The following SGCZ variants were observed in gnomAD, a reference collection of about 807,000 sequenced individuals.
SGCZ encodes zeta-sarcoglycan.
A neutral mutation model predicts 41.3 loss-of-function variants in SGCZ; 40 were observed. That is an observed-to-expected ratio of 0.97 (90% CI 0.75 to 1.26). The LOEUF is 1.26. SGCZ is among the 50% of genes most tolerant of loss of function. The pLI is 0.00. For synonymous variants in SGCZ, 206 were observed against 137.5 expected (o/e 1.50, Z -3.49); for missense variants, 552 against 369.8 (o/e 1.49, Z -4.04).
At chr8:14,564,299 C>T (rs1258912552) in intron 1 of SGCZ, among the ~76,000 whole-genome samples, 1 of 127,846 alleles carries the variant, frequency 7.8e-6, no homozygotes, top group Admixed American at 8.8e-5. Context: ...GTTGCTGTCA[C>T]TGTTCATTAG....
chr8:14,106,988 G>A (rs1585139857), intron 6 of SGCZ, among the ~76,000 whole-genome samples: 1 of 152,108 alleles, frequency 6.6e-6, no homozygotes, highest in African/African-American at 2.4e-5. Context: ...AGGCCGAGGA[G>A]GGCGGATCAG....
At chr8:14,818,470 G>A (rs1801972444) in intron 1 of SGCZ, among the ~76,000 whole-genome samples, 1 of 151,948 alleles carries the variant, frequency 6.6e-6, no homozygotes, top group African/African-American at 2.4e-5. Context: ...CCATCCATAG[G>A]AAAAATTCTT....
chr8:14,548,874 G>A (rs1367710538), intron 2 of SGCZ, among the ~76,000 whole-genome samples: 1 of 152,090 alleles, frequency 6.6e-6, no homozygotes, highest in African/African-American at 2.4e-5. Flanking sequence ...TAAATGAAGA[G>A]GTATTTGGCG....
At chr8:14,272,664 T>A (rs1260385630) in intron 3 of SGCZ, among the ~76,000 whole-genome samples, 1 of 152,166 alleles carries the variant, frequency 6.6e-6, no homozygotes, top group Non-Finnish European at 1.5e-5. Context: ...ATAAATTATG[T>A]TCATCATAAT....
At position 14,366,803 on chromosome 8, in the gene SGCZ, T is replaced by C. The variant is rs181811894; in HGVS notation, c.235-42599A>G. Among the ~76,000 whole-genome samples the C allele has an allele frequency of 1.3e-5, 2 of 152,206 alleles. 1 individual carries two copies. Among genetic ancestry groups the C allele is most frequent in the Admixed American group, 1.3e-4 (2 of 15,264 alleles). On this transcript the variant is annotated intron_variant, in intron 2 of 7. Coordinates refer to ENST00000382080, the MANE Select transcript of SGCZ (RefSeq NM_139167.4). ...ATCAGCCTGTAATATCAAAGGCAAG[T>C]TAATTACTTCTTAGATACAATGAGG...
At chr8:14,765,362 A>T (rs1365890344) in intron 1 of SGCZ, among the ~76,000 whole-genome samples, 1 of 152,236 alleles carries the variant, frequency 6.6e-6, no homozygotes, top group Non-Finnish European at 1.5e-5. Context: ...GGGTCAGCTT[A>T]AGTTATATAA....
chr8:14,920,706 C>A (rs985513084), intron 1 of SGCZ, among the ~76,000 whole-genome samples: 2 of 151,994 alleles, frequency 1.3e-5, no homozygotes, highest in African/African-American at 4.8e-5. Flanking sequence ...ATAGACTTTC[C>A]CTAAAACTGT....
chr8:14,803,560 C>G (rs1041177568), intron 1 of SGCZ, among the ~76,000 whole-genome samples: 27 of 152,300 alleles, frequency 1.8e-4, no homozygotes, highest in African/African-American at 5.5e-4. Context: ...ATATCCCGCA[C>G]CCGGCTCAGA....
chr8:14,655,432 G>C (rs1807535569), intron 1 of SGCZ, among the ~76,000 whole-genome samples: 1 of 151,930 alleles, frequency 6.6e-6, no homozygotes, highest in Non-Finnish European at 1.5e-5. Flanking sequence ...TAACTTGAGG[G>C]ACAAATAACC....
chr8:14,535,483 T>C (rs1039571474), intron 2 of SGCZ, among the ~76,000 whole-genome samples: 1 of 151,954 alleles, frequency 6.6e-6, no homozygotes, highest in Non-Finnish European at 1.5e-5. Flanking sequence ...ATCTTTATTA[T>C]TTCCTCCTAT....
chr8:14,884,396 G>C (rs994707295), intron 1 of SGCZ, among the ~76,000 whole-genome samples: 2 of 151,776 alleles, frequency 1.3e-5, no homozygotes, highest in Non-Finnish European at 2.9e-5. Context: ...TTATATATCA[G>C]TATAAGATAA....
chr8:15,104,069 C>T (rs1806722263), intron 1 of SGCZ, among the ~76,000 whole-genome samples: 1 of 152,142 alleles, frequency 6.6e-6, no homozygotes, highest in Non-Finnish European at 1.5e-5. Context: ...CCAAACGAAC[C>T]TTTCTCACGT....
intron 1 of SGCZ, among the ~76,000 whole-genome samples, chr8:14,984,865 G>T (rs552028904): frequency 6.6e-6 from 1 of 152,184 alleles, no homozygotes; most frequent in East Asian, 1.9e-4. Flanking sequence ...TAGCAATTTT[G>T]TTGCTGTAGT....
chr8:14,818,359 G>C (rs1182749134), intron 1 of SGCZ, among the ~76,000 whole-genome samples: 1 of 152,130 alleles, frequency 6.6e-6, no homozygotes, highest in Non-Finnish European at 1.5e-5. Flanking sequence ...GGCAATTGCA[G>C]ACATTGCTAA....
intron 1 of SGCZ, among the ~76,000 whole-genome samples, chr8:15,201,731 T>C (rs75733548): frequency 0.063 from 9,558 of 152,206 alleles, 356 homozygotes; most frequent in African/African-American, 0.088. Context: ...TTGCAATGCA[T>C]AGAAACTGAA....
chr8:15,025,860 G>C (rs1461424989), intron 1 of SGCZ, among the ~76,000 whole-genome samples: 1 of 152,008 alleles, frequency 6.6e-6, no homozygotes, highest in Non-Finnish European at 1.5e-5. Context: ...TTTTATATAA[G>C]TAAGACTATA....
In SGCZ at chr8:14,108,205, A is replaced by G; in HGVS notation, c.578T>C (p.Val193Ala). The G allele has an allele frequency of 6.2e-7, 1 of 1,614,154 alleles. No individual in the cohort carries two copies. The highest frequency in any genetic ancestry group is 8.5e-7 in the Non-Finnish European group (1 of 1,180,016). Residue 193 changes from valine to alanine, a missense_variant, in exon 6 of 8, where the codon GTG becomes GCG. Val to Ala is a moderately conservative substitution (Grantham distance 64). Coordinates refer to ENST00000382080, the MANE Select transcript of SGCZ (RefSeq NM_139167.4). ...GTEGAVFGHS[V>A]ETPHIRAEPS... is the part of the protein sequence containing the mutation. ...CTCTGCTCTGATGTGCGGCGTCTCC[A>G]CAGAGTGCCCAAATACGGCTCCTTC...
At chr8:15,085,918 T>A (rs1031155268) in intron 1 of SGCZ, among the ~76,000 whole-genome samples, 4 of 152,182 alleles carry the variant, frequency 2.6e-5, no homozygotes, top group African/African-American at 9.7e-5. Flanking sequence ...CCATGAATGC[T>A]ACAAAATGTG....
Position 14,090,312 on chromosome 8 carries a change from G to T in SGCZ, c.*131C>A, listed in dbSNP as rs148414132. The T allele has an allele frequency of 1.8e-3, 1,561 of 879,932 alleles. 3 individuals are homozygous for T. The highest frequency in any genetic ancestry group is 2.1e-3 in the Non-Finnish European group (1,225 of 593,440). 54.5% of individuals were successfully genotyped at this position (879,932 alleles called of 1,614,324 possible). ...CAAGAGAAGGTGGTGGCGAATCCCT[G>T]CTCACACTGGAAGTTGCTCTGTGGA... On this transcript the variant is annotated 3_prime_UTR_variant, in exon 8 of 8. Coordinates refer to ENST00000382080, the MANE Select transcript of SGCZ (RefSeq NM_139167.4).
Sources: gnomAD v4.1 joint callset for allele counts (sites outside exome capture counted in the v4.1 genomes callset) on GRCh38, gnomAD v4.1.1 for gene constraint, MANE v1.5 for transcripts, NCBI Gene and HGNC (gene_info 2026-07-23, HGNC 2026-07-21) for gene names.